SYT16: variants seen among roughly 807,000 people sequenced by gnomAD.
SYT16 encodes synaptotagmin 16, also known as synaptotagmin-16.
SYT16 carries 42 observed loss-of-function variants against 61.4 expected under a neutral mutation model. The observed-to-expected ratio is 0.68, with a 90% CI of 0.53 to 0.89. The LOEUF (loss-of-function observed/expected upper bound fraction) is 0.89. SYT16 is among the 40% of genes least tolerant of loss of function. SYT16 has a pLI of 0.00. For missense variants in SYT16, 804 were observed against 807.3 expected (o/e 1.00, Z 0.05); for synonymous variants, 314 against 302.3 (o/e 1.04, Z -0.40).
chr14:62,075,203 G>C lies in SYT16; in HGVS notation c.805G>C (p.Ala269Pro). The C allele has an allele frequency of 6.2e-7, 1 of 1,613,314 alleles. No individual in the cohort carries two copies. Among genetic ancestry groups the C allele is most frequent in the Middle Eastern group, 1.6e-4 (1 of 6,062 alleles). Residue 269 changes from alanine to proline, a missense_variant, in exon 5 of 8, where the codon GCT (alanine) becomes CCT (proline). By Grantham distance (27) the Ala-to-Pro change is conservative. Coordinates refer to ENST00000683842, the MANE Select transcript of SYT16 (RefSeq NM_001367656.1). ...CTACGGTGAAGATGACCACATCCCT[G>C]CTCACTCACAGTCCCCATGTGAAAG... ...LSYGEDDHIP[A>P]HSQSPCERGD...
Position 62,078,138 on chromosome 14 carries a change from G to A in SYT16, c.994-2696G>A, listed in dbSNP as rs77884507. Reference sequence around the variant, plus strand: ...CTCTCTCTCTCTCTAGTGCTCTCTCGCTCTCTCTCTCTCTCTCTATATATA... The same window carrying A: ...CTCTCTCTCTCTCTAGTGCTCTCTCACTCTCTCTCTCTCTCTCTATATATA... On this transcript the variant is annotated intron_variant, in intron 5 of 7. Transcript: ENST00000683842. Among the ~76,000 whole-genome samples the A allele has an allele frequency of 6.3e-3, 845 of 133,680 alleles. 8 individuals carry two copies. Among genetic ancestry groups the A allele is most frequent in the African/African-American group, 9.8e-3 (332 of 33,796 alleles). The allele number at this position is 133,680 out of a possible 152,430, so 87.7% of individuals were successfully genotyped here. A position where few individuals can be genotyped will look rare whatever the true frequency, so the allele number is the denominator to read the frequency against.
intron 3 of SYT16, among the ~76,000 whole-genome samples, chr14:62,035,824 G>T (rs1330103183): frequency 6.6e-6 from 1 of 152,182 alleles, no homozygotes; most frequent in East Asian, 1.9e-4. Flanking sequence ...AGCACCCATT[G>T]TGCTGGTTAT....
chr14:62,059,414 G>A (rs904615672), intron 3 of SYT16, among the ~76,000 whole-genome samples: 3 of 151,918 alleles, frequency 2.0e-5, no homozygotes, highest in African/African-American at 7.2e-5. Flanking sequence ...GAGTTGTAAA[G>A]GGTCTTTATA....
In SYT16 at chr14:62,106,864, G is replaced by A. The variant is rs1457616406; in HGVS notation, c.*6157G>A. On this transcript the variant is annotated 3_prime_UTR_variant, in exon 8 of 8. Coordinates refer to ENST00000683842, the MANE Select transcript of SYT16 (RefSeq NM_001367656.1). ...GAGGCTTTACAGAACAAGCTCATAG[G>A]CAGTCATGGAGATCTGAGGCCTTTC... 6.6e-6 allele frequency: 1 copy of A among 152,104 alleles called. No homozygotes were observed. Among genetic ancestry groups the A allele is most frequent in the African/African-American group, 2.4e-5 (1 of 41,390 alleles). The allele number at this position is 152,104 out of a possible 1,614,324, so 9.4% of individuals were successfully genotyped here.
At chr14:62,047,814 A>G (rs2055065288) in intron 3 of SYT16, among the ~76,000 whole-genome samples, 1 of 152,162 alleles carries the variant, frequency 6.6e-6, no homozygotes, top group Non-Finnish European at 1.5e-5. Context: ...CTTGCATCCC[A>G]GAGATGAAGC....
chr14:61,904,478 G>C (rs1343088328), intron 1 of SYT16, among the ~76,000 whole-genome samples: 1 of 152,132 alleles, frequency 6.6e-6, no homozygotes, highest in East Asian at 1.9e-4. Flanking sequence ...GTTTCTTAAT[G>C]GTCACTTCAT....
At chr14:62,018,497 G>A (rs549948855) in intron 3 of SYT16, among the ~76,000 whole-genome samples, 1 of 151,616 alleles carries the variant, frequency 6.6e-6, no homozygotes, top group African/African-American at 2.4e-5. Context: ...TTAGTAGATG[G>A]GGTTTCACCA....
At chr14:62,092,676 GA>G (rs1297620721) in intron 7 of SYT16, among the ~76,000 whole-genome samples, 4 of 150,672 alleles carry the variant, frequency 2.7e-5, no homozygotes, top group Admixed American at 6.6e-5. Flanking sequence ...ATTTAGAGTA[GA>G]AAAAAAAATC....
intron 1 of SYT16, among the ~76,000 whole-genome samples, chr14:61,863,242 G>A (rs73256500): frequency 0.13 from 20,026 of 152,226 alleles, 1,420 homozygotes; most frequent in African/African-American, 0.18. Context: ...CCCACCAGCA[G>A]TGAATGAGAG....
intron 1 of SYT16, among the ~76,000 whole-genome samples, chr14:61,872,982 G>A (rs2047376831): frequency 1.3e-5 from 2 of 152,228 alleles, no homozygotes; most frequent in South Asian, 2.1e-4. Context: ...ATATTAAAAC[G>A]TTGTATTCAT....
In SYT16 at chr14:62,100,511, TGGC is replaced by T; in HGVS notation, c.1743_1745del (p.Ala582del). 6.2e-7 allele frequency: 1 copy of T among 1,613,802 alleles called. No homozygotes were observed. The highest frequency in any genetic ancestry group is 8.5e-7 in the Non-Finnish European group (1 of 1,179,828). On this transcript the variant is annotated inframe_deletion, in exon 8 of 8. Transcript: ENST00000683842. ...TATAAGGAGACCTTTGTTTTCCAGG[TGGC>T]CCTCTTTCAGCTGTCTGATGTCACG...
chr14:61,851,958 T>A (rs1274145167), intron 1 of SYT16, among the ~76,000 whole-genome samples: 2 of 152,230 alleles, frequency 1.3e-5, no homozygotes, highest in African/African-American at 4.8e-5. Flanking sequence ...TTTGGCATTT[T>A]CATCATGAAA....
At chr14:62,036,668 A>AAG (rs1438803298) in intron 3 of SYT16, among the ~76,000 whole-genome samples, 3 of 152,184 alleles carry the variant, frequency 2.0e-5, no homozygotes, top group Non-Finnish European at 2.9e-5. Context: ...GGTGGCAGGC[A>AAG]AGAGAGCCTG....
Position 61,956,743 on chromosome 14 carries a change from C to T in SYT16, c.-324-13389C>T, listed in dbSNP as rs533108744. ...TTTGACATCAGGGAGTGTGCTACCTCTAGCTTTTGTTTTTCTTACTCAGTA... is the reference window on the plus strand; with the variant it reads ...TTTGACATCAGGGAGTGTGCTACCTTTAGCTTTTGTTTTTCTTACTCAGTA... On this transcript the variant is annotated intron_variant, in intron 1 of 7. Coordinates refer to ENST00000683842, the MANE Select transcript of SYT16 (RefSeq NM_001367656.1). 2.0e-5 allele frequency among the ~76,000 whole-genome samples: 3 copies of T among 151,996 alleles called. No individual in the cohort carries two copies. In the East Asian group the frequency reaches 5.8e-4, roughly 29 times the overall value.
chr14:61,926,457 C>T (rs1252277176), intron 1 of SYT16, among the ~76,000 whole-genome samples: 1 of 152,142 alleles, frequency 6.6e-6, no homozygotes, highest in African/African-American at 2.4e-5. Context: ...AAGGCATGCT[C>T]CTTCATTTTC....
At chr14:61,986,334 ATTT>A (rs1409088163) in intron 2 of SYT16, among the ~76,000 whole-genome samples, 1 of 151,772 alleles carries the variant, frequency 6.6e-6, no homozygotes, top group East Asian at 1.9e-4. Context: ...AATTAATACA[ATTT>A]ATAGACATTC....
intron 1 of SYT16, among the ~76,000 whole-genome samples, chr14:61,843,604 G>A (rs1465747033): frequency 6.6e-6 from 1 of 152,144 alleles, no homozygotes. Flanking sequence ...TAGGGATCTA[G>A]TTTCATTCTT....
At chr14:62,018,269 C>T (rs2053770968) in intron 3 of SYT16, among the ~76,000 whole-genome samples, 2 of 148,448 alleles carry the variant, frequency 1.3e-5, no homozygotes, top group Non-Finnish European at 3.0e-5. Flanking sequence ...ACTCTGGTCC[C>T]CTTGGGTCTT....
intron 1 of SYT16, among the ~76,000 whole-genome samples, chr14:61,957,045 G>C (rs1002060652): frequency 2.6e-5 from 4 of 151,596 alleles, no homozygotes; most frequent in Non-Finnish European, 5.9e-5. Flanking sequence ...TTATTCTTAA[G>C]TATTTTATTC....
Sources: gnomAD v4.1 joint callset for allele counts (sites outside exome capture counted in the v4.1 genomes callset) on GRCh38, gnomAD v4.1.1 for gene constraint, MANE v1.5 for transcripts, NCBI Gene and HGNC (gene_info 2026-07-23, HGNC 2026-07-21) for gene names.